Variants in NCALD observed in about 807,000 individuals in gnomAD.
NCALD encodes neurocalcin delta.
A neutral mutation model predicts 18.6 loss-of-function variants in NCALD; 10 were observed. That is an observed-to-expected ratio of 0.54 (90% CI 0.33 to 0.91). The LOEUF is 0.91. Among genes scored for constraint, NCALD ranks in the 40% least tolerant of loss-of-function variants. The pLI is 0.03. For synonymous variants in NCALD, 88 were observed against 87.4 expected (o/e 1.01, Z -0.04); for missense variants, 184 against 247.6 (o/e 0.74, Z 1.72).
upstream of NCALD, among the ~76,000 whole-genome samples, chr8:101,793,264 C>T (rs978418060): frequency 6.6e-6 from 1 of 151,238 alleles, no homozygotes; most frequent in Non-Finnish European, 1.5e-5. Flanking sequence ...GCAGGAGGAT[C>T]GCTTGAACCT....
chr8:101,976,795 TAC>T (rs1477339041), intron 2 of NCALD, among the ~76,000 whole-genome samples: 2 of 152,180 alleles, frequency 1.3e-5, no homozygotes, highest in African/African-American at 4.8e-5. Flanking sequence ...TCATGGACAT[TAC>T]AGTCTAGCAA....
At chr8:101,986,443 C>T (rs1820816194) in intron 2 of NCALD, 1 of 152,274 alleles carries the variant, frequency 6.6e-6, no homozygotes, top group African/African-American at 2.4e-5. Flanking sequence ...CACGTCAAGC[C>T]ATAGACTCTT....
intron 1 of NCALD, among the ~76,000 whole-genome samples, chr8:102,110,478 G>A (rs781266346): frequency 1.4e-4 from 22 of 152,112 alleles, no homozygotes; most frequent in Non-Finnish European, 2.2e-4. Flanking sequence ...CTGTCCTGAT[G>A]TGAACAATAA....
intron 4 of NCALD, among the ~76,000 whole-genome samples, chr8:101,882,549 T>C (rs1307231039): frequency 1.3e-5 from 2 of 152,226 alleles, no homozygotes; most frequent in Non-Finnish European, 2.9e-5. Flanking sequence ...CAGTTTATGA[T>C]ATTTTGTTAT....
chr8:101,932,333 C>T (rs1356202933), intron 2 of NCALD, among the ~76,000 whole-genome samples: 1 of 152,170 alleles, frequency 6.6e-6, no homozygotes, highest in African/African-American at 2.4e-5. Flanking sequence ...CCAGATACAA[C>T]TCTGGGAGAC....
At chr8:101,814,695 T>C (rs1182710935) in intron 4 of NCALD, among the ~76,000 whole-genome samples, 2 of 152,060 alleles carry the variant, frequency 1.3e-5, no homozygotes, top group Non-Finnish European at 2.9e-5. Context: ...GGTGACATGA[T>C]CATCTAGGTA....
At chr8:101,732,517 T>C (rs1461637607) in intron 1 of NCALD, among the ~76,000 whole-genome samples, 1 of 151,658 alleles carries the variant, frequency 6.6e-6, no homozygotes, top group African/African-American at 2.4e-5. Flanking sequence ...GTAAAAATAG[T>C]ATCCTACATA....
chr8:102,100,849 A>G (rs1470634829), intron 1 of NCALD, among the ~76,000 whole-genome samples: 2 of 152,216 alleles, frequency 1.3e-5, no homozygotes, highest in African/African-American at 4.8e-5. Flanking sequence ...TGCCTAGAGT[A>G]GTCAAATTCA....
At chr8:101,938,078 C>T (rs925807370) in intron 2 of NCALD, among the ~76,000 whole-genome samples, 2 of 152,124 alleles carry the variant, frequency 1.3e-5, no homozygotes, top group Non-Finnish European at 2.9e-5. Flanking sequence ...TCTTTATGAG[C>T]CCCTACTGCT....
chr8:101,900,459 C>T (rs556772285), intron 3 of NCALD, among the ~76,000 whole-genome samples: 23 of 152,090 alleles, frequency 1.5e-4, no homozygotes, highest in Admixed American at 9.8e-4. Context: ...CAATTTGAGA[C>T]TTTCCTCTTT....
intron 1 of NCALD, among the ~76,000 whole-genome samples, chr8:102,094,347 C>T (rs555081955): frequency 3.9e-5 from 6 of 152,276 alleles, no homozygotes; most frequent in Middle Eastern, 3.4e-3. Flanking sequence ...AATCGTCTTA[C>T]GTGAACCTCC....
chr8:102,003,234 A>G (rs1406640778), intron 2 of NCALD, among the ~76,000 whole-genome samples: 1 of 152,242 alleles, frequency 6.6e-6, no homozygotes, highest in Non-Finnish European at 1.5e-5. Context: ...AACTACCATC[A>G]GAGAATACTA....
At chr8:101,894,084 T>C (rs1438584037) in intron 3 of NCALD, among the ~76,000 whole-genome samples, 1 of 146,544 alleles carries the variant, frequency 6.8e-6, no homozygotes, top group Admixed American at 6.7e-5. Context: ...CCACCACACC[T>C]ATTCCAAAAT....
At chr8:102,014,904 AG>A (rs2132078645) in intron 2 of NCALD, among the ~76,000 whole-genome samples, 1 of 152,308 alleles carries the variant, frequency 6.6e-6, no homozygotes, top group Non-Finnish European at 1.5e-5. Flanking sequence ...CTGATTCATC[AG>A]GTCTGAGATG....
At chr8:101,951,077 C>G (rs903685954) in intron 2 of NCALD, among the ~76,000 whole-genome samples, 2 of 152,208 alleles carry the variant, frequency 1.3e-5, no homozygotes, top group Non-Finnish European at 2.9e-5. Flanking sequence ...ACGTCTCAGC[C>G]AGCCCTCCTT....
At chr8:101,756,084 CT>C (rs34257056) in intron 1 of NCALD, among the ~76,000 whole-genome samples, 98,592 of 148,842 alleles carry the variant, frequency 0.66, 33,819 homozygotes, top group East Asian at 0.77. Flanking sequence ...CTTCCCCCAC[CT>C]TTTTTTTTTT....
chr8:102,022,617 T>C (rs1246194417), intron 1 of NCALD, among the ~76,000 whole-genome samples: 2 of 152,192 alleles, frequency 1.3e-5, no homozygotes, highest in African/African-American at 2.4e-5. Flanking sequence ...CAGTGTCCAC[T>C]ACCTTACAGA....
chr8:101,739,727 T>A (rs1349521283), intron 1 of NCALD, among the ~76,000 whole-genome samples: 1 of 152,210 alleles, frequency 6.6e-6, no homozygotes, highest in Non-Finnish European at 1.5e-5. Context: ...CTCTCAGGCC[T>A]TCAGCCACAG....
intron 3 of NCALD, among the ~76,000 whole-genome samples, chr8:101,894,733 A>T (rs1013783186): frequency 1.3e-5 from 2 of 151,332 alleles, no homozygotes; most frequent in Non-Finnish European, 2.9e-5. Flanking sequence ...TACTACAAAC[A>T]CCTCTACGGA....
Sources: allele counts gnomAD v4.1 joint callset (sites outside exome capture counted in the v4.1 genomes callset), GRCh38; gene constraint gnomAD v4.1.1; transcripts MANE v1.5; gene names NCBI Gene and HGNC (gene_info 2026-07-23, HGNC 2026-07-21).